CNTRL: variants seen among roughly 807,000 people sequenced by gnomAD.
The protein encoded by CNTRL is 110 kDa centrosomal protein.
In CNTRL, 233 loss-of-function variants were observed where a neutral mutation model predicts 303.7. That is an observed-to-expected ratio of 0.77 (90% CI 0.69 to 0.86). The LOEUF (loss-of-function observed/expected upper bound fraction) is 0.86, where lower values mean the gene tolerates loss of function less well. Ranked by LOEUF, CNTRL falls within the 40% of genes least tolerant of loss-of-function variation. The probability of loss-of-function intolerance (pLI) is 0.00; values close to 1 mark genes in which losing one functional copy is unlikely to be tolerated. For synonymous variants in CNTRL, 900 were observed against 922.2 expected, an observed-to-expected ratio of 0.98 and a Z score of 0.44; for missense variants, 2,524 against 2,650.6, an observed-to-expected ratio of 0.95 and a Z score of 1.05.
chr9:121,158,720 C>T (rs1410756845), intron 30 of CNTRL, 135 bp from the exon 31 acceptor site: 3 of 832,602 alleles, frequency 3.6e-6, no homozygotes, highest in East Asian at 2.4e-5. Context: ...CCTTGCACTC[C>T]TTGCCTGGCT....
At position 121,125,741 on chromosome 9, in the gene CNTRL, G is replaced by A. The variant is rs544136646; in HGVS notation, c.1830G>A (p.Leu610=). Residue 610 remains leucine, a synonymous_variant, in exon 14 of 44, where the codon CTG becomes CTA. Coordinates refer to ENST00000373855, the MANE Select transcript of CNTRL (RefSeq NM_007018.6). ...TEGQIAANEA[L]KKDLEGVISG... Reference sequence around the variant, plus strand: ...GCCAGATAGCAGCAAATGAAGCCCTGAAGAAGGATTTAGAAGGTGTTATCA... The same window carrying A: ...GCCAGATAGCAGCAAATGAAGCCCTAAAGAAGGATTTAGAAGGTGTTATCA... 1.1e-5 allele frequency: 18 copies of A among 1,614,132 alleles called. No individual in the cohort carries two copies. The East Asian group carries it at 2.2e-4, about 20-fold the overall frequency.
At chr9:121,114,088 A>T (rs1409232035) in intron 10 of CNTRL, among the ~76,000 whole-genome samples, 1 of 152,228 alleles carries the variant, frequency 6.6e-6, no homozygotes, top group Non-Finnish European at 1.5e-5. Context: ...CAAAAACCTA[A>T]AGCAATGCTT....
intron 7 of CNTRL, among the ~76,000 whole-genome samples, chr9:121,102,318 A>T (rs1445602915): frequency 3.9e-5 from 6 of 152,236 alleles, no homozygotes; most frequent in Non-Finnish European, 8.8e-5. Context: ...ATCTCAATAG[A>T]TGGAGAAAAG....
At chr9:121,131,467 TG>T (rs761902591) in intron 14 of CNTRL, among the ~76,000 whole-genome samples, 1 of 152,250 alleles carries the variant, frequency 6.6e-6, no homozygotes, top group African/African-American at 2.4e-5. Context: ...TGCTTTTTTT[TG>T]CTTTCCATTT....
At chr9:121,145,774 T>C (rs2051812354) in intron 22 of CNTRL, among the ~76,000 whole-genome samples, 1 of 152,026 alleles carries the variant, frequency 6.6e-6, no homozygotes, top group African/African-American at 2.4e-5. Flanking sequence ...TGGGCACCTG[T>C]AAACCCAGCT....
At position 121,154,933 on chromosome 9, in the gene CNTRL, G is replaced by C; in HGVS notation, c.4365+20G>C. The stretch of plus-strand genomic sequence containing the variant: ...GAAAAGGTTTGTCTTCTTGTGGTTT[G>C]GGGTGTGAGCTCAGTGTGGGTGAGT... On this transcript the variant is annotated intron_variant, in intron 27 of 43. Coordinates refer to ENST00000373855, the MANE Select transcript of CNTRL (RefSeq NM_007018.6). 6.2e-7 allele frequency: 1 copy of C among 1,610,300 alleles called. No homozygotes were observed. The highest frequency in any genetic ancestry group is 8.5e-7 in the Non-Finnish European group (1 of 1,176,598).
At chr9:121,078,138 G>A (rs1389124993) in intron 1 of CNTRL, among the ~76,000 whole-genome samples, 2 of 152,146 alleles carry the variant, frequency 1.3e-5, no homozygotes, top group Non-Finnish European at 2.9e-5. Flanking sequence ...TGAGGGCTGG[G>A]CATGGTGGCT....
In CNTRL at chr9:121,157,780, A is replaced by G. The variant is rs1222850303; in HGVS notation, c.4537A>G (p.Ile1513Val). 5 of 1,614,254 alleles carry G rather than the reference A, an allele frequency of 3.1e-6. No individual in the cohort carries two copies. The highest frequency in any genetic ancestry group is 4.2e-6 in the Non-Finnish European group (5 of 1,180,038). Residue 1513 changes from isoleucine to valine, a missense_variant, in exon 29 of 44, where the codon ATC (isoleucine) becomes GTC (valine). Coordinates refer to ENST00000373855, the MANE Select transcript of CNTRL (RefSeq NM_007018.6). ...ADAKDLEQHK[I>V]KQEEILKEIN... ...TGCAAAGGATTTGGAGCAGCACAAA[A>G]TCAAGCAAGAAGAAATCTTGAAAGA...
rs761087878 is a variant in CNTRL at position 121,175,131 on chromosome 9, G to A, written c.6861G>A (p.Leu2287=). The A allele has an allele frequency of 1.9e-6, 3 of 1,614,070 alleles. No individual in the cohort carries two copies. In the South Asian group the frequency reaches 3.3e-5, roughly 18 times the overall value. The change falls in exon 43 of 44, where the codon TTG becomes TTA. Residue 2287 remains leucine (L), a synonymous_variant. Transcript: ENST00000373855. ...GACAAGTAGATGCTTTAGGGGAATT[G>A]GTCACCAGCACCTCTGCAGATTCAG... ...LRRQVDALGE[L]VTSTSADSAS...
rs766598746 is a variant in CNTRL at position 121,160,330 on chromosome 9, A to G, written c.5089+28A>G. The G allele has an allele frequency of 4.2e-6, 6 of 1,418,538 alleles. No homozygotes were observed. In the Admixed American group the frequency reaches 8.5e-5, roughly 20 times the overall value. The allele number at this position is 1,418,538 out of a possible 1,614,324, so 87.9% of individuals were successfully genotyped here. A position where few individuals can be genotyped will look rare whatever the true frequency, so the allele number is the denominator to read the frequency against. Reference sequence around the variant, plus strand: ...AAGTTTAAAGGAAAACAATCATACAAAGTTTGAGGTTGGAAATGTCTGTAT... The same window carrying G: ...AAGTTTAAAGGAAAACAATCATACAGAGTTTGAGGTTGGAAATGTCTGTAT... On this transcript the variant is annotated intron_variant, in intron 32 of 43. Transcript: ENST00000373855.
chr9:121,080,792 G>A (rs1381220162), intron 2 of CNTRL, among the ~76,000 whole-genome samples: 1 of 152,136 alleles, frequency 6.6e-6, no homozygotes, highest in East Asian at 1.9e-4. Context: ...TGTAGGGGAG[G>A]AAAGGGAGTA....
rs1455992124 is a variant in CNTRL, at chr9:121,150,239, C to T, written c.3719C>T (p.Pro1240Leu). ...LDDQEEPPFV[P>L]PPGYMMYTVL... The stretch of plus-strand genomic sequence containing the variant: ...GACCAAGAAGAACCCCCATTTGTGC[C>T]TCCTCCTGGATACATGATGTATACT... The change falls in exon 25 of 44, where the codon CCT (proline) becomes CTT (leucine). Residue 1240 changes from proline to leucine, a missense_variant. Physicochemically the swap from Pro to Leu is moderately conservative, Grantham distance 98 (BLOSUM62 -3). Coordinates refer to ENST00000373855, the MANE Select transcript of CNTRL (RefSeq NM_007018.6). The T allele has an allele frequency of 3.1e-6, 5 of 1,613,796 alleles. No homozygotes were observed. Among genetic ancestry groups the T allele is most frequent in the Non-Finnish European group, 4.2e-6 (5 of 1,179,900 alleles).
chr9:121,158,799 G>A, intron 30 of CNTRL, 56 bp from the exon 31 acceptor site: 1 of 1,497,916 alleles, frequency 6.7e-7, no homozygotes, highest in Non-Finnish European at 9.2e-7. Flanking sequence ...CTCCAGGTTA[G>A]CACTGAGGGC....
intron 2 of CNTRL, among the ~76,000 whole-genome samples, chr9:121,086,159 T>C (rs943447211): frequency 6.6e-6 from 1 of 152,238 alleles, no homozygotes; most frequent in African/African-American, 2.4e-5. Flanking sequence ...AAGATAACTC[T>C]ATTCATTCAT....
At chr9:121,148,067 A>C (rs116408246) in intron 23 of CNTRL, among the ~76,000 whole-genome samples, 2,893 of 152,298 alleles carry the variant, frequency 0.019, 93 homozygotes, top group African/African-American at 0.066. Flanking sequence ...GGATGAGGTT[A>C]AAAACAAAAC....
chr9:121,144,981 C>T, intron 21 of CNTRL, 22 bp downstream of exon 21: 2 of 1,567,284 alleles, frequency 1.3e-6, no homozygotes, highest in African/African-American at 1.3e-5. Context: ...TACCCAGAGA[C>T]CTCCTCTTTC....
At chr9:121,118,580 A>G (rs1295098798) in intron 12 of CNTRL, 40 bp downstream of exon 12, 7 of 1,443,834 alleles carry the variant, frequency 4.8e-6, no homozygotes. Context: ...CTGTCTACAT[A>G]TTACATGTCT....
At chr9:121,079,803 C>T (rs1055920509) in intron 1 of CNTRL, among the ~76,000 whole-genome samples, 7 of 152,032 alleles carry the variant, frequency 4.6e-5, no homozygotes, top group African/African-American at 7.2e-5. Context: ...CTTGAGAGAC[C>T]GGATCATGAT....
Position 121,088,352 on chromosome 9 carries a change from T to C in CNTRL, c.26T>C (p.Ile9Thr). MKKGSQQK[I>T]FSKAKIPSSS... ...ATGAAGAAAGGTTCTCAACAAAAAA[T>C]ATTCTCCAAAGCAAAGATACCATCA... Residue 9 changes from isoleucine (I) to threonine (T), a missense_variant, in exon 3 of 44, where the codon ATA becomes ACA. Transcript: ENST00000373855. 6.2e-7 allele frequency: 1 copy of C among 1,613,310 alleles called. No homozygotes were observed. The highest frequency in any genetic ancestry group is 8.5e-7 in the Non-Finnish European group (1 of 1,179,352).
Sources: allele counts gnomAD v4.1 joint callset (sites outside exome capture counted in the v4.1 genomes callset), GRCh38; gene constraint gnomAD v4.1.1; transcripts MANE v1.5; gene names NCBI Gene and HGNC (gene_info 2026-07-23, HGNC 2026-07-21).